GFRA3: variants seen among roughly 807,000 people sequenced by gnomAD.
The protein encoded by GFRA3 is GDNF family receptor alpha 3, also known as GDNF family receptor alpha-3.
Under a neutral mutation model 40.0 loss-of-function variants are expected in GFRA3, and 24 were observed. That is an observed-to-expected ratio of 0.60 (90% confidence interval 0.43 to 0.84). GFRA3 has a LOEUF of 0.84. GFRA3 is among the 40% of genes least tolerant of loss of function. The pLI is 0.00. For missense variants in GFRA3, 405 were observed against 530.6 expected (o/e 0.76, Z 2.33); for synonymous variants, 203 against 213.5 (o/e 0.95, Z 0.43).
At chr5:138,272,225 C>T (rs775032363) in intron 1 of GFRA3, among the ~76,000 whole-genome samples, 27 of 150,918 alleles carry the variant, frequency 1.8e-4, no homozygotes, top group Admixed American at 8.0e-4. Context: ...CCAGGATGGT[C>T]TCAATCTCCT....
intron 2 of GFRA3, among the ~76,000 whole-genome samples, chr5:138,263,590 A>G (rs761944149): frequency 1.3e-5 from 2 of 152,216 alleles, no homozygotes; most frequent in African/African-American, 2.4e-5. Flanking sequence ...TGGTTCTGCC[A>G]ATGCTCATTT....
At chr5:138,260,446 A>C (rs1755693811) in intron 2 of GFRA3, among the ~76,000 whole-genome samples, 1 of 152,184 alleles carries the variant, frequency 6.6e-6, no homozygotes, top group African/African-American at 2.4e-5. Context: ...GGTTGTTGCA[A>C]TAGCATAACC....
At chr5:138,259,882 T>C (rs1020702695) in intron 2 of GFRA3, among the ~76,000 whole-genome samples, 4 of 152,118 alleles carry the variant, frequency 2.6e-5, no homozygotes, top group Admixed American at 6.5e-5. Context: ...TTAAGCACAC[T>C]GTGTGCTGAG....
chr5:138,255,333 T>A (rs1755611870), intron 4 of GFRA3, among the ~76,000 whole-genome samples: 1 of 152,220 alleles, frequency 6.6e-6, no homozygotes, highest in South Asian at 2.1e-4. Flanking sequence ...GTTAAGTAAC[T>A]TGCCGAAGGT....
chr5:138,271,907 T>TGTG (rs61112096), intron 1 of GFRA3, among the ~76,000 whole-genome samples: 1 of 98,584 alleles, frequency 1.0e-5, no homozygotes, highest in Non-Finnish European at 2.2e-5. Flanking sequence ...TTTTTTTTTT[T>TGTG]TTTTTTTGTG....
chr5:138,266,755 C>A (rs1003625357), intron 1 of GFRA3, among the ~76,000 whole-genome samples: 3 of 151,758 alleles, frequency 2.0e-5, no homozygotes, highest in African/African-American at 7.3e-5. Flanking sequence ...CTCACTGCAA[C>A]CTTGCAACCT....
intron 1 of GFRA3, 49 bp downstream of exon 1, chr5:138,274,285 A>C (rs778972920): frequency 9.1e-6 from 12 of 1,314,114 alleles, no homozygotes; most frequent in Admixed American, 3.1e-5. Context: ...CCTACACCTC[A>C]CCTCCCCCTC....
At chr5:138,258,241 C>T (rs548642950) in intron 3 of GFRA3, among the ~76,000 whole-genome samples, 1 of 125,934 alleles carries the variant, frequency 7.9e-6, no homozygotes, top group African/African-American at 3.1e-5. Flanking sequence ...AGTGCAATGG[C>T]GTGATCTCGG....
intron 2 of GFRA3, among the ~76,000 whole-genome samples, chr5:138,260,815 C>T (rs1373792801): frequency 1.3e-5 from 2 of 150,406 alleles, no homozygotes; most frequent in Admixed American, 6.6e-5. Context: ...ATTCCTTGAA[C>T]CTAGGAACTT....
At chr5:138,266,571 C>T (rs932336454) in intron 1 of GFRA3, among the ~76,000 whole-genome samples, 1 of 152,206 alleles carries the variant, frequency 6.6e-6, no homozygotes, top group Non-Finnish European at 1.5e-5. Context: ...ACTTGTGTAG[C>T]CAGAATCCAG....
intron 7 of GFRA3, 68 bp downstream of exon 7, chr5:138,253,219 C>G (rs1365938556): frequency 7.5e-6 from 8 of 1,070,832 alleles, no homozygotes; most frequent in Non-Finnish European, 1.1e-5. Flanking sequence ...ATCCCTTTGT[C>G]TGCCTAGTTT....
intron 1 of GFRA3, 144 bp downstream of exon 1, chr5:138,274,189 TG>T: frequency 9.1e-7 from 1 of 1,104,728 alleles, no homozygotes; most frequent in Non-Finnish European, 1.2e-6. Flanking sequence ...GCAGGCACCC[TG>T]GGCTTCCTGC....
intron 4 of GFRA3, among the ~76,000 whole-genome samples, chr5:138,255,067 GAAGT>G (rs1172821644): frequency 1.3e-5 from 2 of 150,414 alleles, no homozygotes; most frequent in African/African-American, 4.9e-5. Context: ...AGAAAGGAAA[GAAGT>G]AAGGAGAGAA....
intron 4 of GFRA3, among the ~76,000 whole-genome samples, chr5:138,257,078 C>T (rs1204104611): frequency 6.6e-6 from 1 of 152,132 alleles, no homozygotes; most frequent in East Asian, 1.9e-4. Flanking sequence ...CACCAGAATC[C>T]CATGAGGTCT....
chr5:138,264,427 T>A lies in GFRA3; in HGVS notation c.213A>T (p.Ile71=). The part of the protein sequence containing the change: ...YHHLDSCTSS[I]STPLPSEEPS... ...GCTCCTCTGAGGGCAGTGGGGTGCT[T>A]ATGCTAGAGGTGCAGGAATCCAGGT... is the stretch of plus-strand genomic sequence containing the variant. The change falls in exon 2 of 8, where the codon ATA becomes ATT. Residue 71 remains isoleucine (I), a synonymous_variant. Transcript: ENST00000274721. 1 of 1,614,064 alleles carries A rather than the reference T, an allele frequency of 6.2e-7. No homozygotes were observed. Among genetic ancestry groups the A allele is most frequent in the Non-Finnish European group, 8.5e-7 (1 of 1,179,986 alleles).
chr5:138,253,939 C>A, intron 5 of GFRA3, 39 bp from the exon 6 acceptor site: 1 of 1,606,420 alleles, frequency 6.2e-7, no homozygotes, highest in Admixed American at 1.7e-5. Context: ...CTAGGCTAAC[C>A]CTAACTTTAG....
At position 138,259,669 on chromosome 5, in the gene GFRA3, C is replaced by A; in HGVS notation, c.380-20G>T. The A allele has an allele frequency of 1.9e-6, 2 of 1,038,220 alleles. No individual in the cohort carries two copies. Among genetic ancestry groups the A allele is most frequent in the Non-Finnish European group, 1.5e-6 (1 of 653,174 alleles). 64.3% of individuals were successfully genotyped at this position (1,038,220 alleles called of 1,614,324 possible). ...AGTTACCTAGAGACAAGGTGGGGAGCACCAGAATGCTGAGGACCAGGGTGG... is the reference window on the plus strand; with the variant it reads ...AGTTACCTAGAGACAAGGTGGGGAGAACCAGAATGCTGAGGACCAGGGTGG... On this transcript the variant is annotated intron_variant, in intron 2 of 7. Transcript: ENST00000274721.
chr5:138,261,126 A>T (rs1293473030), intron 2 of GFRA3, among the ~76,000 whole-genome samples: 1 of 152,212 alleles, frequency 6.6e-6, no homozygotes, highest in Non-Finnish European at 1.5e-5. Context: ...AATGGGTGGT[A>T]AGGAAGCTGT....
chr5:138,257,841 C>G lies in GFRA3; in HGVS notation c.583G>C (p.Val195Leu). ...ACSGPHCQRH[V>L]CLRQLLTFFE... ...AAAGTGAGCAGCTGCCTGAGGCAGA[C>G]GTGGCGCTGGCAGTGGGGCCCGGAG... is the stretch of plus-strand genomic sequence containing the variant. The change falls in exon 4 of 8, where the codon GTC becomes CTC. Residue 195 changes from valine (V) to leucine (L), a missense_variant. Coordinates refer to ENST00000274721, the MANE Select transcript of GFRA3 (RefSeq NM_001496.4). 1 of 1,613,860 alleles carries G rather than the reference C, an allele frequency of 6.2e-7. No individual in the cohort carries two copies. Among genetic ancestry groups the G allele is most frequent in the Non-Finnish European group, 8.5e-7 (1 of 1,179,934 alleles).
Sources: gnomAD v4.1 joint callset for allele counts (sites outside exome capture counted in the v4.1 genomes callset) on GRCh38, gnomAD v4.1.1 for gene constraint, MANE v1.5 for transcripts, NCBI Gene and HGNC (gene_info 2026-07-23, HGNC 2026-07-21) for gene names.